Variants in PATJ observed in about 807,000 individuals in gnomAD.
PATJ encodes inaD-like protein.
In PATJ, 190 loss-of-function variants were observed where a neutral mutation model predicts 224.9. The ratio of observed to expected loss-of-function variants is 0.84; its 90% CI spans 0.75 to 0.95. PATJ has a LOEUF of 0.95. Among genes scored for constraint, PATJ ranks in the 40% least tolerant of loss-of-function variants. PATJ has a pLI of 0.00. For synonymous variants in PATJ, 769 were observed against 820.3 expected (o/e 0.94, Z 1.07); for missense variants, 2,121 against 2,270.3 (o/e 0.93, Z 1.34).
intron 5 of PATJ, 28 bp downstream of exon 5, chr1:61,769,450 C>G (rs777790272): frequency 5.0e-6 from 8 of 1,597,498 alleles, no homozygotes; most frequent in Non-Finnish European, 6.8e-6. Flanking sequence ...TTTCATTTTG[C>G]TAATTGTTTC....
chr1:61,997,631 A>ATAATTAATAAT (rs1394598916), intron 28 of PATJ, among the ~76,000 whole-genome samples: 2 of 152,154 alleles, frequency 1.3e-5, no homozygotes, highest in African/African-American at 4.8e-5. Context: ...TGATTCTAGA[A>ATAATTAATAAT]GGTAATAAGT....
chr1:61,774,119 C>CAAA (rs35357345), intron 6 of PATJ, among the ~76,000 whole-genome samples: 1,040 of 68,620 alleles, frequency 0.015, 30 homozygotes, highest in African/African-American at 0.059. Context: ...GACTCCATCT[C>CAAA]AAAAAAAAAA....
intron 30 of PATJ, chr1:62,039,043 G>C (rs6661849): frequency 0.23 from 224,426 of 987,402 alleles, 28,313 homozygotes; most frequent in Middle Eastern, 0.29. Context: ...TCCAGCATCA[G>C]ATAATGGGAA....
At chr1:61,810,837 T>TCA (rs1654613485) in intron 14 of PATJ, among the ~76,000 whole-genome samples, 1 of 152,114 alleles carries the variant, frequency 6.6e-6, no homozygotes, top group Non-Finnish European at 1.5e-5. Flanking sequence ...GGCAGGAGAA[T>TCA]CACTTGAACC....
intron 27 of PATJ, among the ~76,000 whole-genome samples, chr1:61,941,031 GGTGGATATGCCAT>G (rs1677743450): frequency 6.6e-6 from 1 of 152,086 alleles, no homozygotes; most frequent in African/African-American, 2.4e-5. Flanking sequence ...CTGGATCAAA[GGTGGATATGCCAT>G]AGAAGCAATT....
At chr1:62,152,835 G>GTA (rs61334298) in intron 42 of PATJ, among the ~76,000 whole-genome samples, 2,334 of 152,036 alleles carry the variant, frequency 0.015, 33 homozygotes, top group African/African-American at 0.045. Context: ...GCTGTCAGCA[G>GTA]TAAGTTTAAA....
chr1:61,850,671 G>T (rs1418661998), intron 17 of PATJ, among the ~76,000 whole-genome samples: 1 of 152,210 alleles, frequency 6.6e-6, no homozygotes, highest in African/African-American at 2.4e-5. Flanking sequence ...GCTTAGTGTG[G>T]CTAAAAGCAC....
At chr1:62,084,702 T>C (rs1659740201) in intron 33 of PATJ, 54 bp downstream of exon 33, 1 of 1,587,562 alleles carries the variant, frequency 6.3e-7, no homozygotes, top group Non-Finnish European at 8.6e-7. Context: ...TTGTTGAGGT[T>C]AATTTTGGCC....
intron 28 of PATJ, among the ~76,000 whole-genome samples, chr1:61,994,143 C>T (rs1645221959): frequency 6.6e-6 from 1 of 152,230 alleles, no homozygotes; most frequent in Non-Finnish European, 1.5e-5. Context: ...GCCTCAGCTA[C>T]CTCCTTTTTC....
In PATJ at chr1:62,075,357, G is replaced by A. The variant is rs1398300593; in HGVS notation, c.4126-4093G>A. On this transcript the variant is annotated intron_variant, in intron 31 of 43. Coordinates refer to ENST00000642238, the MANE Select transcript of PATJ (RefSeq NM_001350145.3). ...GATCATTTATTGATATGTTCTAAAAGGACATAAAAGCATTAATAGCTGTTA... is the reference window on the plus strand; with the variant it reads ...GATCATTTATTGATATGTTCTAAAAAGACATAAAAGCATTAATAGCTGTTA... 2.0e-5 allele frequency among the ~76,000 whole-genome samples: 3 copies of A among 152,268 alleles called. No homozygotes were observed. In the East Asian group the frequency reaches 5.8e-4, roughly 29 times the overall value.
Position 61,875,300 on chromosome 1 carries a change from A to G in PATJ, c.2893A>G (p.Ser965Gly). 6.2e-7 allele frequency: 1 copy of G among 1,610,062 alleles called. No homozygotes were observed. The highest frequency in any genetic ancestry group is 1.1e-5 in the South Asian group (1 of 90,850). ...LPSVPSTEGN[S>G]QQGRFDDLEN... ...ATCTGTACCATCAACTGAAGGAAACAGTCAACAAGGCAGATTTGACGACCT... is the reference window on the plus strand; with the variant it reads ...ATCTGTACCATCAACTGAAGGAAACGGTCAACAAGGCAGATTTGACGACCT... The change falls in exon 21 of 44, where the codon AGT becomes GGT. Residue 965 changes from serine to glycine, a missense_variant. Coordinates refer to ENST00000642238, the MANE Select transcript of PATJ (RefSeq NM_001350145.3).
intron 17 of PATJ, 35 bp from the exon 18 acceptor site, chr1:61,855,995 C>G (rs1663589675): frequency 6.6e-7 from 1 of 1,506,080 alleles, no homozygotes; most frequent in South Asian, 1.1e-5. Flanking sequence ...ATTTTCAGTG[C>G]ATGGACTCAT....
At chr1:61,784,568 A>G (rs1417441767) in intron 7 of PATJ, among the ~76,000 whole-genome samples, 2 of 152,264 alleles carry the variant, frequency 1.3e-5, no homozygotes, top group Admixed American at 1.3e-4. Flanking sequence ...ATAGAAGAAA[A>G]ATAATGCCTA....
At chr1:61,993,408 A>G (rs1281954055) in intron 28 of PATJ, among the ~76,000 whole-genome samples, 1 of 152,092 alleles carries the variant, frequency 6.6e-6, no homozygotes, top group Non-Finnish European at 1.5e-5. Flanking sequence ...CAAACCCCAT[A>G]GTTCAGGGGT....
At chr1:61,883,750 C>T (rs1303602461) in intron 21 of PATJ, among the ~76,000 whole-genome samples, 2 of 104,000 alleles carry the variant, frequency 1.9e-5, no homozygotes, top group African/African-American at 3.7e-5. Flanking sequence ...AGAGAGACTC[C>T]GTCTCTTAAA....
chr1:62,126,457 C>G (rs955790799), intron 39 of PATJ, among the ~76,000 whole-genome samples: 2 of 152,184 alleles, frequency 1.3e-5, no homozygotes, highest in Non-Finnish European at 2.9e-5. Flanking sequence ...TTGTAACCAG[C>G]AGGAGAGATA....
chr1:61,875,569 T>C, intron 21 of PATJ: 1 of 413,304 alleles, frequency 2.4e-6, no homozygotes, highest in Admixed American at 4.4e-5. Context: ...TCAGATTCTG[T>C]TTTTTGAGAA....
chr1:61,934,918 T>G (rs957773794), intron 27 of PATJ, among the ~76,000 whole-genome samples: 1 of 152,160 alleles, frequency 6.6e-6, no homozygotes, highest in African/African-American at 2.4e-5. Context: ...TTCGGAGCAT[T>G]CTGTGCAGAA....
intron 27 of PATJ, among the ~76,000 whole-genome samples, chr1:61,979,663 A>AAT (rs1644344971): frequency 6.6e-6 from 1 of 151,620 alleles, no homozygotes; most frequent in Non-Finnish European, 1.5e-5. Context: ...AAAGAAAAAA[A>AAT]AAAAAAAGAT....
Sources: allele counts gnomAD v4.1 joint callset (sites outside exome capture counted in the v4.1 genomes callset), GRCh38; gene constraint gnomAD v4.1.1; transcripts MANE v1.5; gene names NCBI Gene and HGNC (gene_info 2026-07-23, HGNC 2026-07-21).